MTERF4: variants seen among roughly 807,000 people sequenced by gnomAD.
The protein encoded by MTERF4 is mitochondrial transcription termination factor 4, also known as transcription termination factor 4, mitochondrial.
MTERF4 carries 17 observed loss-of-function variants against 22.5 expected under a neutral mutation model. That is an observed-to-expected ratio of 0.75 (90% CI 0.52 to 1.13). The LOEUF (loss-of-function observed/expected upper bound fraction) is 1.13. Ranked by LOEUF, MTERF4 falls within the 50% of genes most tolerant of loss-of-function variation. MTERF4 has a pLI of 0.00. For missense variants in MTERF4, 420 were observed against 466.8 expected (o/e 0.90, Z 0.92); for synonymous variants, 165 against 175.3 (o/e 0.94, Z 0.47).
chr2:241,053,142 G>C, the MTERF4 span: 3 of 1,605,876 alleles, frequency 1.9e-6, no homozygotes, highest in East Asian at 4.5e-5. Flanking sequence ...ACAGGCTGCC[G>C]TGCCTTGCAG....
the MTERF4 span, among the ~76,000 whole-genome samples, chr2:241,057,380 A>AAAAAAAAAAAAAAATATATATAT: frequency 8.5e-6 from 1 of 118,132 alleles, no homozygotes; most frequent in African/African-American, 3.8e-5. Context: ...TCCATCTCAA[A>AAAAAAAAAAAAAAATATATATAT]ATATATATAT....
chr2:241,043,188 A>G, the MTERF4 span, among the ~76,000 whole-genome samples: 4,326 of 152,332 alleles, frequency 0.028, 218 homozygotes, highest in African/African-American at 0.099. Context: ...TTTCCAAGAA[A>G]AGCATGAAGA....
downstream of MTERF4, among the ~76,000 whole-genome samples, chr2:241,071,146 C>G (rs552414732): frequency 6.6e-6 from 1 of 152,184 alleles, no homozygotes; most frequent in Admixed American, 6.5e-5. Flanking sequence ...GATGCACCCT[C>G]ACTCTCAGGG....
chr2:241,047,028 A>G, the MTERF4 span, among the ~76,000 whole-genome samples: 1 of 151,796 alleles, frequency 6.6e-6, no homozygotes, highest in Non-Finnish European at 1.5e-5. Context: ...TTATAATCCC[A>G]GCTACTCGGG....
At chr2:241,077,878 A>G (rs1459826009) in intron 4 of MTERF4, among the ~76,000 whole-genome samples, 2 of 152,136 alleles carry the variant, frequency 1.3e-5, no homozygotes, top group African/African-American at 2.4e-5. Context: ...TGCTGGTGGG[A>G]CTGTAAAGTG....
downstream of MTERF4, chr2:241,087,594 CCAGA>C: frequency 6.9e-7 from 1 of 1,452,480 alleles, no homozygotes; most frequent in Non-Finnish European, 9.1e-7. Context: ...GTCTACTCGC[CCAGA>C]TAGGCAGCCC....
rs1290419814 is a variant in MTERF4 at position 241,097,435 on chromosome 2, A to G, written c.521-8T>C. 1 of 1,606,888 alleles carries G rather than the reference A, an allele frequency of 6.2e-7. No individual in the cohort carries two copies. On this transcript the variant is annotated splice_region_variant and splice_polypyrimidine_tract_variant and intron_variant, in intron 2 of 3. Coordinates refer to ENST00000391980, the MANE Select transcript of MTERF4 (RefSeq NM_182501.4). ...GCACCCTCTTTAATTTCCCTGCAGA[A>G]CATTCAAAAAAGGCAAGCATATAAT...
chr2:241,065,653 T>G, the MTERF4 span: 3 of 1,472,838 alleles, frequency 2.0e-6, no homozygotes, highest in Non-Finnish European at 2.8e-6. Flanking sequence ...AGGGCAGCGC[T>G]GGCCCCGGCA....
At chr2:241,071,837 G>T (rs1267954046), downstream of MTERF4, 2 of 1,605,230 alleles carry the variant, frequency 1.2e-6, no homozygotes, top group Admixed American at 1.7e-5. Context: ...GTGAGCGCCA[G>T]GTTCGGTGGC....
chr2:241,084,840 C>T (rs1195475773), downstream of MTERF4, among the ~76,000 whole-genome samples: 1 of 152,074 alleles, frequency 6.6e-6, no homozygotes, highest in Non-Finnish European at 1.5e-5. Context: ...CTGCTTTTGT[C>T]TGAAACTATT....
the MTERF4 span, chr2:241,053,116 C>T: frequency 6.3e-7 from 1 of 1,586,002 alleles, no homozygotes; most frequent in Non-Finnish European, 8.6e-7. Context: ...GCCAGGAAGG[C>T]ACAGGACCGT....
chr2:241,065,426 C>T, the MTERF4 span: 1 of 1,613,104 alleles, frequency 6.2e-7, no homozygotes, highest in Non-Finnish European at 8.5e-7. Flanking sequence ...CCTACGTCTC[C>T]TCCGACGGCT....
chr2:241,064,240 C>T, the MTERF4 span: 5 of 694,274 alleles, frequency 7.2e-6, no homozygotes, highest in South Asian at 3.8e-5. The surrounding 1 kb of genome is among the most constrained non-coding windows in gnomAD (Gnocchi z 7.0). Flanking sequence ...GCCTGCTCCC[C>T]GCCCTCTGCC....
chr2:241,078,858 A>G (rs1263156985), intron 4 of MTERF4, among the ~76,000 whole-genome samples: 1 of 152,096 alleles, frequency 6.6e-6, no homozygotes, highest in Non-Finnish European at 1.5e-5. Flanking sequence ...TCATGCCTGT[A>G]ATCCCAGCAC....
At chr2:241,053,214 G>T in the MTERF4 span, 3 of 1,609,464 alleles carry the variant, frequency 1.9e-6, no homozygotes, top group Non-Finnish European at 2.5e-6. Flanking sequence ...ACGGCACGCG[G>T]CTGGGCGCGG....
At chr2:241,056,650 G>A in the MTERF4 span, among the ~76,000 whole-genome samples, 6 of 144,870 alleles carry the variant, frequency 4.1e-5, no homozygotes, top group Middle Eastern at 3.7e-3. Flanking sequence ...GCACGATCTC[G>A]GCTCACTGCA....
At chr2:241,062,844 C>G in the MTERF4 span, 8 of 1,611,836 alleles carry the variant, frequency 5.0e-6, no homozygotes, top group East Asian at 4.5e-5. Context: ...TTGTCAGGAC[C>G]GCGTTGCTGG....
rs2064359504 is a variant in MTERF4, at chr2:241,095,600, A to G, written c.*398T>C. On this transcript the variant is annotated 3_prime_UTR_variant, in exon 4 of 4. Transcript: ENST00000391980. ...CTTCTCGTAATTTTATTTTTATCAC[A>G]AGAAGGAAATACATAGTGATTCCTG... 1 of 188,224 alleles carries G rather than the reference A, an allele frequency of 5.3e-6. No individual in the cohort carries two copies. Among genetic ancestry groups the G allele is most frequent in the Admixed American group, 5.3e-5 (1 of 18,768 alleles). 11.7% of individuals were successfully genotyped at this position (188,224 alleles called of 1,614,324 possible).
chr2:241,078,560 T>G (rs1014039704), intron 4 of MTERF4, among the ~76,000 whole-genome samples: 1 of 151,714 alleles, frequency 6.6e-6, no homozygotes, highest in African/African-American at 2.4e-5. Flanking sequence ...TGTACTATGA[T>G]TCCATTCATA....
Sources: gnomAD v4.1 joint callset for allele counts (sites outside exome capture counted in the v4.1 genomes callset) on GRCh38, gnomAD v4.1.1 for gene constraint, Gnocchi (gnomAD v3.1) non-coding constraint, MANE v1.5 for transcripts, NCBI Gene and HGNC (gene_info 2026-07-23, HGNC 2026-07-21) for gene names.